The following ADCY4 variants were observed in gnomAD, a reference collection of about 807,000 sequenced individuals.
ADCY4 encodes adenylate cyclase type 4.
Under a neutral mutation model 125.5 loss-of-function variants are expected in ADCY4, and 111 were observed. That is an observed-to-expected ratio of 0.88 (90% CI 0.76 to 1.04). The LOEUF (loss-of-function observed/expected upper bound fraction) is 1.04. Ranked by LOEUF, ADCY4 falls within the 50% of genes least tolerant of loss-of-function variation. The pLI, the probability that ADCY4 is intolerant of heterozygous loss-of-function variation, is 0.00. For missense variants in ADCY4, 1,256 were observed against 1,382.9 expected, an observed-to-expected ratio of 0.91 and a Z score of 1.46; for synonymous variants, 576 against 586.9, an observed-to-expected ratio of 0.98 and a Z score of 0.27.
In ADCY4 at chr14:24,330,112, C is replaced by T. The variant is rs978639886; in HGVS notation, c.1058+56G>A. 22 of 1,600,124 alleles carry T rather than the reference C, an allele frequency of 1.4e-5. No individual in the cohort carries two copies. In the Admixed American group the frequency reaches 1.5e-4, roughly 11 times the overall value. On this transcript the variant is annotated intron_variant, in intron 7 of 24. Transcript: ENST00000418030. ...TCACAAAGAGGACTTCTGTCAGCTG[C>T]CTGCTGCCCCCCACATCCACCCTCA...
intron 3 of ADCY4, 146 bp downstream of exon 3, chr14:24,332,376 T>A: frequency 1.1e-6 from 1 of 906,328 alleles, no homozygotes; most frequent in Non-Finnish European, 1.6e-6. Context: ...CACACTGTTG[T>A]ACCAGCTCTG....
intron 19 of ADCY4, 132 bp downstream of exon 19, chr14:24,322,492 G>T: frequency 2.0e-6 from 2 of 1,012,914 alleles, no homozygotes; most frequent in Non-Finnish European, 2.9e-6. Context: ...GAGTGAAGGA[G>T]AAGAAAGGAA....
Position 24,331,851 on chromosome 14 carries a change from C to G in ADCY4, c.606G>C (p.Thr202=). The change falls in exon 4 of 25, where the codon ACG becomes ACC. Residue 202 remains threonine (T), a synonymous_variant. Transcript: ENST00000418030. The part of the protein sequence containing the change: ...KALMERALRA[T]FREALSSLHS... Reference sequence around the variant, plus strand: ...GCAGGGAGCTGAGTGCCTCCCGGAACGTGGCCCGCAGGGCGCGCTCCATCA... The same window carrying G: ...GCAGGGAGCTGAGTGCCTCCCGGAAGGTGGCCCGCAGGGCGCGCTCCATCA... The G allele has an allele frequency of 8.1e-6, 13 of 1,604,014 alleles. No homozygotes were observed. The highest frequency in any genetic ancestry group is 1.1e-5 in the Non-Finnish European group (13 of 1,172,614).
chr14:24,321,443 G>A (rs886564561), intron 20 of ADCY4, among the ~76,000 whole-genome samples: 4 of 151,148 alleles, frequency 2.6e-5, no homozygotes, highest in African/African-American at 7.3e-5. Context: ...CCTGAGCGAC[G>A]AGAGTGAAAC....
chr14:24,332,687 G>C lies in ADCY4; in HGVS notation c.358-4C>G. The stretch of plus-strand genomic sequence containing the variant: ...TGACGAAGAGAAAATAGGACACCTG[G>C]GGGCGGGGCGCGGGAAGCCGAAGGC... On this transcript the variant is annotated splice_region_variant and splice_polypyrimidine_tract_variant and intron_variant, in intron 2 of 24. Coordinates refer to ENST00000418030, the MANE Select transcript of ADCY4 (RefSeq NM_001198568.2). 1 of 1,583,694 alleles carries C rather than the reference G, an allele frequency of 6.3e-7. No homozygotes were observed. Among genetic ancestry groups the C allele is most frequent in the Non-Finnish European group, 8.6e-7 (1 of 1,164,700 alleles).
At position 24,319,230 on chromosome 14, in the gene ADCY4, C is replaced by T. The variant is rs746165100; in HGVS notation, c.2842-18G>A. 2 of 1,614,068 alleles carry T rather than the reference C, an allele frequency of 1.2e-6. No individual in the cohort carries two copies. Among genetic ancestry groups the T allele is most frequent in the Admixed American group, 3.3e-5 (2 of 60,014 alleles). On this transcript the variant is annotated intron_variant, in intron 22 of 24. Transcript: ENST00000418030. The surrounding 1 kb of genome is among the most constrained non-coding windows in gnomAD (Gnocchi z 4.5). ...TCAGCATCCTGGCAATGGGCCCGCC[C>T]ACCAGGGTGGGCCAGTGAGGGCACA...
intron 13 of ADCY4, 95 bp from the exon 14 acceptor site, chr14:24,325,569 C>T (rs1487196136): frequency 2.6e-6 from 3 of 1,139,614 alleles, no homozygotes; most frequent in Middle Eastern, 2.5e-4. Flanking sequence ...TCCTCAGCCT[C>T]ACCGCCCAGG....
intron 4 of ADCY4, 128 bp from the exon 5 acceptor site, chr14:24,331,484 C>A: frequency 7.7e-7 from 1 of 1,294,646 alleles, no homozygotes. Context: ...CAGGTCCTCC[C>A]GCTGCACACA....
In ADCY4 at chr14:24,323,381, CAGGAGAGGTTGGA is replaced by C. The variant is rs1388623104; in HGVS notation, c.2107_2119del (p.Ser703GlyfsTer32). 5.8e-6 allele frequency: 9 copies of C among 1,557,358 alleles called. No individual in the cohort carries two copies. In the East Asian group the frequency reaches 2.2e-4, roughly 38 times the overall value. ...GAGAGGCAGAGACCCAGGGAGCTCC[CAGGAGAGGTTGGA>C]AATCATGGAGGACACATTGGGAGCT... is the stretch of plus-strand genomic sequence containing the variant. On this transcript the variant is annotated frameshift_variant, in exon 17 of 25. Coordinates refer to ENST00000418030, the MANE Select transcript of ADCY4 (RefSeq NM_001198568.2). LOFTEE classifies it high-confidence loss of function.
At position 24,318,916 on chromosome 14, in the gene ADCY4, T is replaced by A; in HGVS notation, c.2957-138A>T. The A allele has an allele frequency of 2.8e-6, 4 of 1,436,630 alleles. No homozygotes were observed. The South Asian group carries it at 5.2e-5, about 19-fold the overall frequency. The allele number at this position is 1,436,630 out of a possible 1,614,324, so 89.0% of individuals were successfully genotyped here. A position where few individuals can be genotyped will look rare whatever the true frequency, so the allele number is the denominator to read the frequency against. ...TCTCTAAGGGCTGGAGGAATGTAGC[T>A]TAAGAAAAAGAGTGGGAGAGCCTCG... On this transcript the variant is annotated intron_variant, in intron 23 of 24. Coordinates refer to ENST00000418030, the MANE Select transcript of ADCY4 (RefSeq NM_001198568.2).
rs2139206929 is a variant in ADCY4, at chr14:24,325,857, T to G, written c.1686A>C (p.Pro562=). The G allele has an allele frequency of 6.3e-7, 1 of 1,597,050 alleles. No homozygotes were observed. The highest frequency in any genetic ancestry group is 8.5e-7 in the Non-Finnish European group (1 of 1,169,916). The stretch of plus-strand genomic sequence containing the variant: ...CCTTCTCTCTGAAGTACAGTGTCAG[T>G]GGGTTGAAGTCCTTCGACTGCTTCC... ...KQWKQSKDFN[P]LTLYFREKEM... The change falls in exon 13 of 25, where the codon CCA becomes CCC. Residue 562 remains proline, a synonymous_variant. Transcript: ENST00000418030.
rs755180899 is a variant in ADCY4, at chr14:24,332,959, G to T, written c.189C>A (p.Thr63=). The T allele has an allele frequency of 1.9e-6, 3 of 1,561,472 alleles. No homozygotes were observed. The South Asian group carries it at 3.5e-5, about 18-fold the overall frequency. The part of the protein sequence containing the change: ...RELTSDPSFL[T]TVLCALGGFS... ...AGCCGCCCAGCGCGCACAGCACAGT[G>T]GTCAGGAAGCTCGGGTCTGAGGTCA... The change falls in exon 2 of 25, where the codon ACC becomes ACA. Residue 63 remains threonine, a synonymous_variant. Transcript: ENST00000418030.
At chr14:24,328,938 G>C in intron 10 of ADCY4, 123 bp downstream of exon 10, 1 of 1,261,734 alleles carries the variant, frequency 7.9e-7, no homozygotes, top group Non-Finnish European at 1.1e-6. Flanking sequence ...TCGGGACTTT[G>C]GGATGTCACA....
rs2042099295 is a variant in ADCY4, at chr14:24,334,376, T to C, written c.159+118A>G. On this transcript the variant is annotated intron_variant, in intron 1 of 24. Coordinates refer to ENST00000418030, the MANE Select transcript of ADCY4 (RefSeq NM_001198568.2). ...CACTGCAGTTCCTAGCCAGGCTCAA[T>C]GGTCCTTTCTTTCTCTGCTCCCAGC... 11 of 1,437,542 alleles carry C rather than the reference T, an allele frequency of 7.7e-6. No homozygotes were observed. In the East Asian group the frequency reaches 1.5e-4, roughly 20 times the overall value. 89.0% of individuals were successfully genotyped at this position (1,437,542 alleles called of 1,614,324 possible). A position where few individuals can be genotyped will look rare whatever the true frequency, so the allele number is the denominator to read the frequency against.
At position 24,325,513 on chromosome 14, in the gene ADCY4, T is replaced by C. The variant is rs375166177; in HGVS notation, c.1726-39A>G. On this transcript the variant is annotated intron_variant, in intron 13 of 24. Coordinates refer to ENST00000418030, the MANE Select transcript of ADCY4 (RefSeq NM_001198568.2). ...GGCCAGAGGTGGAGACAGGGTCCAG[T>C]GCTACCCATCACCTTGAAGGCATCA... 6.6e-5 allele frequency: 103 copies of C among 1,556,326 alleles called. No individual in the cohort carries two copies. The African/African-American group carries it at 1.3e-3, about 20-fold the overall frequency.
chr14:24,331,876 A>G lies in ADCY4; in HGVS notation c.581T>C (p.Leu194Pro), dbSNP rs765420219. The G allele has an allele frequency of 1.1e-5, 18 of 1,601,158 alleles. No homozygotes were observed. The highest frequency in any genetic ancestry group is 1.7e-5 in the Admixed American group (1 of 59,690). ...GNVAGVYHKA[L>P]MERALRATFR... is the part of the protein sequence containing the mutation. ...CGTGGCCCGCAGGGCGCGCTCCATC[A>G]GCGCCTTGTGGTACACTCCTGCCAC... Residue 194 changes from leucine (L) to proline (P), a missense_variant, in exon 4 of 25, where the codon CTG (leucine) becomes CCG (proline). By Grantham distance (98) the Leu-to-Pro change is moderately conservative. Transcript: ENST00000418030.
chr14:24,329,681 G>A (rs1241861400), intron 8 of ADCY4, 148 bp from the exon 9 acceptor site: 2 of 1,410,792 alleles, frequency 1.4e-6, no homozygotes, highest in Non-Finnish European at 9.4e-7. Context: ...GAAAGAGCCT[G>A]TGTTACAGGA....
chr14:24,321,991 C>G, intron 20 of ADCY4, 75 bp downstream of exon 20: 3 of 1,505,578 alleles, frequency 2.0e-6, no homozygotes. Flanking sequence ...AGAAAACGGG[C>G]CATAGGTCAA....
Position 24,318,575 on chromosome 14 carries a change from T to C in ADCY4, c.3082-7A>G, listed in dbSNP as rs1056993142. On this transcript the variant is annotated splice_region_variant and splice_polypyrimidine_tract_variant and intron_variant, in intron 24 of 24. Coordinates refer to ENST00000418030, the MANE Select transcript of ADCY4 (RefSeq NM_001198568.2). ...ATGCTGTCTCCTCAGTCACCTACAA[T>C]TGGAGGGGGGCGAGGGAATATGGAG... 2 of 1,613,992 alleles carry C rather than the reference T, an allele frequency of 1.2e-6. No individual in the cohort carries two copies. Among genetic ancestry groups the C allele is most frequent in the African/African-American group, 2.7e-5 (2 of 74,910 alleles).
Sources: allele counts gnomAD v4.1 joint callset (sites outside exome capture counted in the v4.1 genomes callset), GRCh38; gene constraint gnomAD v4.1.1; non-coding constraint Gnocchi (gnomAD v3.1); transcripts MANE v1.5; gene names NCBI Gene and HGNC (gene_info 2026-07-23, HGNC 2026-07-21).